Variants in RAD54B observed in about 807,000 individuals in gnomAD.
RAD54B encodes the protein RAD54 homolog B, also known as DNA repair and recombination protein RAD54B.
RAD54B carries 78 observed loss-of-function variants against 95.8 expected under a neutral mutation model. The ratio of observed to expected loss-of-function variants is 0.81; its 90% CI spans 0.68 to 0.98. The LOEUF is 0.98. Among genes scored for constraint, RAD54B ranks in the 50% least tolerant of loss-of-function variants. RAD54B has a pLI of 0.00. For synonymous variants in RAD54B, 328 were observed against 354.9 expected (o/e 0.92, Z 0.85); for missense variants, 957 against 1,056.6 (o/e 0.91, Z 1.31).
chr8:94,473,491 G>A (rs1345730077), intron 1 of RAD54B, among the ~76,000 whole-genome samples: 1 of 152,152 alleles, frequency 6.6e-6, no homozygotes, highest in Non-Finnish European at 1.5e-5. Context: ...TTACACACCG[G>A]ACTGTTGGGA....
Position 94,457,632 on chromosome 8 carries a change from C to T in RAD54B, c.304+636G>A, listed in dbSNP as rs536558500. On this transcript the variant is annotated intron_variant, in intron 3 of 14. Coordinates refer to ENST00000336148, the MANE Select transcript of RAD54B (RefSeq NM_012415.3). ...ATGGGGCCGGCTGGCTGAATCTGTT[C>T]ATTCAACCAAAACATGAATAAAATG... 3.3e-5 allele frequency among the ~76,000 whole-genome samples: 5 copies of T among 152,304 alleles called. No homozygotes were observed. The East Asian group carries it at 7.7e-4, about 23-fold the overall frequency.
chr8:94,397,952 A>T (rs1326089069), intron 8 of RAD54B, among the ~76,000 whole-genome samples: 1 of 152,078 alleles, frequency 6.6e-6, no homozygotes, highest in African/African-American at 2.4e-5. Flanking sequence ...AGAAATCTGA[A>T]CTGCAGCACT....
chr8:94,391,365 C>T (rs1226747113), intron 10 of RAD54B, among the ~76,000 whole-genome samples: 3 of 150,890 alleles, frequency 2.0e-5, no homozygotes, highest in Non-Finnish European at 1.5e-5. Flanking sequence ...GGATTGGGCA[C>T]AAACTATAGA....
At chr8:94,422,695 T>C (rs1304329782) in intron 3 of RAD54B, among the ~76,000 whole-genome samples, 1 of 134,572 alleles carries the variant, frequency 7.4e-6, no homozygotes, top group Middle Eastern at 3.6e-3. Context: ...TTTCCAGTTT[T>C]TGCCAATTCT....
intron 3 of RAD54B, chr8:94,436,565 T>C (rs1349334778): frequency 1.9e-6 from 3 of 1,550,482 alleles, no homozygotes; most frequent in Non-Finnish European, 1.7e-6. Context: ...ATAACTTTCT[T>C]GGTTGGCTCA....
chr8:94,474,484 A>C (rs1813246764), intron 1 of RAD54B, among the ~76,000 whole-genome samples: 1 of 152,230 alleles, frequency 6.6e-6, no homozygotes, highest in South Asian at 2.1e-4. Flanking sequence ...TAGTAAGTCG[A>C]GAAGCATCTG....
intron 3 of RAD54B, among the ~76,000 whole-genome samples, chr8:94,446,220 C>T (rs2130147464): frequency 6.6e-6 from 1 of 152,178 alleles, no homozygotes; most frequent in South Asian, 2.1e-4. Context: ...ATTTTTTCCA[C>T]AAACTCTTTT....
chr8:94,409,378 C>CTT (rs910847332), intron 4 of RAD54B, among the ~76,000 whole-genome samples: 1 of 144,216 alleles, frequency 6.9e-6, no homozygotes. Context: ...CTTTTTCTTT[C>CTT]TTTTTTTTTT....
intron 3 of RAD54B, among the ~76,000 whole-genome samples, chr8:94,435,937 G>A (rs970251367): frequency 2.0e-5 from 3 of 152,020 alleles, no homozygotes; most frequent in Admixed American, 6.6e-5. Flanking sequence ...TTTTAAACGT[G>A]TTAGAAAAAT....
chr8:94,411,258 C>T lies in RAD54B; in HGVS notation c.362G>A (p.Ser121Asn), dbSNP rs1338129135. ...AACAACACTGAAATATTTAACTAGG[C>T]TATCAGATTTCTCTTCTTGTTCCTT... ...VSKEQEEKSD[S>N]LVKYFSVVWC... The change falls in exon 4 of 15, where the codon AGC (serine) becomes AAC (asparagine). Residue 121 changes from serine to asparagine, a missense_variant. Physicochemically the swap from Ser to Asn is conservative, Grantham distance 46. Coordinates refer to ENST00000336148, the MANE Select transcript of RAD54B (RefSeq NM_012415.3). 1 of 1,608,666 alleles carries T rather than the reference C, an allele frequency of 6.2e-7. No individual in the cohort carries two copies. Among genetic ancestry groups the T allele is most frequent in the African/African-American group, 1.3e-5 (1 of 74,608 alleles).
In RAD54B at chr8:94,377,545, G is replaced by GAA. The variant is rs71273330; in HGVS notation, c.2515+633_2515+634dup. On this transcript the variant is annotated intron_variant, in intron 14 of 14. Coordinates refer to ENST00000336148, the MANE Select transcript of RAD54B (RefSeq NM_012415.3). ...AGCAACAGAGCCAGACCCTGTCTTGGAAAAAAAAAAAAAAAAAAAAAAAAA... is the reference window on the plus strand; with the variant it reads ...AGCAACAGAGCCAGACCCTGTCTTGGAAAAAAAAAAAAAAAAAAAAAAAAAAA... 2.8e-5 allele frequency among the ~76,000 whole-genome samples: 2 copies of GAA among 70,584 alleles called. 1 individual carries two copies. Among genetic ancestry groups the GAA allele is most frequent in the African/African-American group, 1.4e-4 (2 of 13,902 alleles). 46.3% of individuals were successfully genotyped at this position (70,584 alleles called of 152,430 possible).
intron 3 of RAD54B, among the ~76,000 whole-genome samples, chr8:94,447,843 T>C (rs1452310796): frequency 6.6e-6 from 1 of 152,158 alleles, no homozygotes; most frequent in African/African-American, 2.4e-5. Flanking sequence ...ATCCTGCAGA[T>C]GACAGATGGA....
At chr8:94,430,068 C>T (rs1417628979) in intron 3 of RAD54B, 5 of 957,706 alleles carry the variant, frequency 5.2e-6, no homozygotes, top group Non-Finnish European at 6.2e-6. Context: ...AATCCCAGCA[C>T]TTTGGGAGGC....
chr8:94,384,878 A>G (rs1475405198), intron 11 of RAD54B, among the ~76,000 whole-genome samples: 1 of 152,174 alleles, frequency 6.6e-6, no homozygotes, highest in Non-Finnish European at 1.5e-5. Context: ...TGAGGTACGC[A>G]GATTGCTTGA....
At chr8:94,447,511 T>C (rs556827318) in intron 3 of RAD54B, among the ~76,000 whole-genome samples, 3 of 152,182 alleles carry the variant, frequency 2.0e-5, no homozygotes, top group Admixed American at 6.5e-5. Flanking sequence ...CACTCACTCA[T>C]TGTGTTGCAG....
chr8:94,426,427 C>G (rs1350518655), intron 3 of RAD54B, among the ~76,000 whole-genome samples: 1 of 152,030 alleles, frequency 6.6e-6, no homozygotes, highest in Non-Finnish European at 1.5e-5. Flanking sequence ...AATCTTTATA[C>G]ATAATAGCCA....
intron 6 of RAD54B, among the ~76,000 whole-genome samples, chr8:94,403,864 C>G (rs988431921): frequency 1.7e-5 from 2 of 118,612 alleles, no homozygotes; most frequent in Non-Finnish European, 4.2e-5. Flanking sequence ...TCCCATATGC[C>G]CACCTCCTAG....
intron 1 of RAD54B, among the ~76,000 whole-genome samples, chr8:94,468,538 A>G (rs1813086449): frequency 6.6e-6 from 1 of 151,910 alleles, no homozygotes; most frequent in Non-Finnish European, 1.5e-5. Context: ...TTAAGAAAAA[A>G]AAAAAGGCCG....
At chr8:94,433,781 ATACT>A (rs1166901967) in intron 3 of RAD54B, among the ~76,000 whole-genome samples, 1 of 151,864 alleles carries the variant, frequency 6.6e-6, no homozygotes, top group Non-Finnish European at 1.5e-5. Context: ...ATGAATGGAA[ATACT>A]TTATTTAATA....
Sources: gnomAD v4.1 joint callset for allele counts (sites outside exome capture counted in the v4.1 genomes callset) on GRCh38, gnomAD v4.1.1 for gene constraint, MANE v1.5 for transcripts, NCBI Gene and HGNC (gene_info 2026-07-23, HGNC 2026-07-21) for gene names.